The following LAMA2 variants were observed in gnomAD, a reference collection of about 807,000 sequenced individuals.
LAMA2 encodes the protein laminin subunit alpha-2.
LAMA2 carries 269 observed loss-of-function variants against 364.8 expected under a neutral mutation model. That is an observed-to-expected ratio of 0.74 (90% confidence interval 0.67 to 0.82). The LOEUF (loss-of-function observed/expected upper bound fraction) is 0.82, where lower values mean the gene tolerates loss of function less well. Ranked by LOEUF, LAMA2 falls within the 40% of genes least tolerant of loss-of-function variation. The probability of loss-of-function intolerance (pLI) is 0.00; values close to 1 mark genes in which losing one functional copy is unlikely to be tolerated. For missense variants in LAMA2, 3,807 were observed against 3,873.2 expected (o/e 0.98, Z 0.45); for synonymous variants, 1,379 against 1,370.6 (o/e 1.01, Z -0.14).
chr6:129,223,272 T>G (rs963991928), intron 12 of LAMA2, among the ~76,000 whole-genome samples: 2 of 152,162 alleles, frequency 1.3e-5, no homozygotes, highest in Non-Finnish European at 2.9e-5. Context: ...ATTGCAAAAA[T>G]CTTCTCCCAT....
chr6:129,462,040 A>T (rs533433085), intron 49 of LAMA2, among the ~76,000 whole-genome samples: 1 of 152,138 alleles, frequency 6.6e-6, no homozygotes, highest in South Asian at 2.1e-4. Context: ...GACCTGAGGT[A>T]AGAGTCCAAA....
intron 41 of LAMA2, among the ~76,000 whole-genome samples, chr6:129,435,948 C>T (rs1383669401): frequency 6.6e-6 from 1 of 152,124 alleles, no homozygotes; most frequent in Non-Finnish European, 1.5e-5. Flanking sequence ...GGTGTGCACA[C>T]AGTCAAATCA....
intron 5 of LAMA2, among the ~76,000 whole-genome samples, chr6:129,145,672 G>T (rs559636575): frequency 6.6e-6 from 1 of 151,740 alleles, no homozygotes; most frequent in Non-Finnish European, 1.5e-5. Context: ...TAACTTTATC[G>T]TACATGAGTC....
intron 4 of LAMA2, among the ~76,000 whole-genome samples, chr6:129,123,479 C>A (rs1776927974): frequency 6.6e-6 from 1 of 151,828 alleles, no homozygotes; most frequent in Admixed American, 6.6e-5. Flanking sequence ...ATGGAAGCAA[C>A]CTAAATATCT....
At chr6:129,087,733 C>T (rs1774463189) in intron 3 of LAMA2, among the ~76,000 whole-genome samples, 1 of 151,646 alleles carries the variant, frequency 6.6e-6, no homozygotes, top group Non-Finnish European at 1.5e-5. Context: ...GTGATTAGGT[C>T]ATGCATGGAC....
intron 54 of LAMA2, 29 bp downstream of exon 54, chr6:129,478,842 C>T: frequency 6.3e-7 from 1 of 1,594,608 alleles, no homozygotes. Context: ...GTTCTCTAAA[C>T]ACATTTATAT....
chr6:129,463,491 G>A (rs746901074), intron 49 of LAMA2, among the ~76,000 whole-genome samples: 6 of 151,876 alleles, frequency 4.0e-5, no homozygotes, highest in African/African-American at 7.3e-5. Flanking sequence ...ACTCTTTCCC[G>A]CAGGTATCTC....
intron 23 of LAMA2, among the ~76,000 whole-genome samples, chr6:129,313,859 G>A (rs188815799): frequency 3.3e-5 from 5 of 152,202 alleles, no homozygotes; most frequent in African/African-American, 7.2e-5. Context: ...CAAGGGCTTC[G>A]GCCAATACCG....
chr6:129,307,016 G>A (rs1773919944), intron 22 of LAMA2, among the ~76,000 whole-genome samples: 1 of 152,098 alleles, frequency 6.6e-6, no homozygotes, highest in African/African-American at 2.4e-5. Flanking sequence ...TTATTTGGAT[G>A]CCAGACATTA....
intron 1 of LAMA2, among the ~76,000 whole-genome samples, chr6:128,974,914 C>T (rs955004432): frequency 6.0e-5 from 9 of 150,432 alleles, no homozygotes; most frequent in South Asian, 4.2e-4. Context: ...TGCAGTGGCA[C>T]GATCTTGGTT....
chr6:129,297,830 A>G lies in LAMA2; in HGVS notation c.3002A>G (p.His1001Arg). ...GGGAAGAAATGTGACCGCTGTGCCC[A>G]CGGCTATTTCAACTTCCAAGAAGGA... Reference protein sequence around the residue: ...VTGKKCDRCAHGYFNFQEGGC... With the variant: ...VTGKKCDRCARGYFNFQEGGC... Residue 1001 changes from histidine to arginine, a missense_variant, in exon 21 of 65, where the codon CAC (histidine) becomes CGC (arginine). This residue lies in a region of LAMA2 where 3,333 missense variants were observed against 3,345.7 expected (regional missense o/e 1.00). Transcript: ENST00000421865. 1 of 1,613,972 alleles carries G rather than the reference A, an allele frequency of 6.2e-7. No individual in the cohort carries two copies. The highest frequency in any genetic ancestry group is 8.5e-7 in the Non-Finnish European group (1 of 1,179,922).
At chr6:129,081,223 T>A (rs1774031445) in intron 3 of LAMA2, among the ~76,000 whole-genome samples, 1 of 145,634 alleles carries the variant, frequency 6.9e-6, no homozygotes, top group Non-Finnish European at 1.5e-5. Context: ...GTGGGTAACA[T>A]CACACACCGG....
chr6:128,897,914 T>C (rs188223268), intron 1 of LAMA2, among the ~76,000 whole-genome samples: 4 of 152,300 alleles, frequency 2.6e-5, no homozygotes, highest in South Asian at 2.1e-4. Flanking sequence ...CGCAGCACTT[T>C]TGAAGTTAGA....
At chr6:129,475,089 T>A (rs1389031001) in intron 52 of LAMA2, among the ~76,000 whole-genome samples, 1 of 152,150 alleles carries the variant, frequency 6.6e-6, no homozygotes, top group East Asian at 1.9e-4. Context: ...AGTGACATTG[T>A]ACATTTTCCC....
At chr6:129,333,127 A>G (rs957085123) in intron 29 of LAMA2, among the ~76,000 whole-genome samples, 1 of 152,018 alleles carries the variant, frequency 6.6e-6, no homozygotes, top group Admixed American at 6.6e-5. Flanking sequence ...CCTGACCTCA[A>G]GTGATCTGCC....
chr6:129,019,809 G>A (rs1034335729), intron 1 of LAMA2, among the ~76,000 whole-genome samples: 8 of 152,138 alleles, frequency 5.3e-5, no homozygotes, highest in African/African-American at 9.7e-5. Flanking sequence ...GTAGCAGGGC[G>A]CAGTGGCTCA....
intron 15 of LAMA2, among the ~76,000 whole-genome samples, chr6:129,263,083 C>T (rs983891557): frequency 1.9e-4 from 29 of 152,106 alleles, no homozygotes; most frequent in Non-Finnish European, 3.8e-4. Context: ...GAGTGTTATG[C>T]AATCTCAGTT....
chr6:129,454,076 T>C, intron 46 of LAMA2, 79 bp from the exon 47 acceptor site: 1 of 1,226,696 alleles, frequency 8.2e-7, no homozygotes, highest in East Asian at 2.4e-5. Context: ...ATGGCGCTTA[T>C]TGAAAAACAC....
intron 40 of LAMA2, among the ~76,000 whole-genome samples, chr6:129,422,092 A>G (rs1440285921): frequency 6.6e-6 from 1 of 151,960 alleles, no homozygotes; most frequent in African/African-American, 2.4e-5. Flanking sequence ...CCCTTGACGA[A>G]CCCTACAAAC....
Sources: gnomAD v4.1 joint callset for allele counts (sites outside exome capture counted in the v4.1 genomes callset) on GRCh38, gnomAD v4.1.1 for gene constraint, gnomAD v4.1.1 regional missense constraint, MANE v1.5 for transcripts, NCBI Gene and HGNC (gene_info 2026-07-23, HGNC 2026-07-21) for gene names.